The following SND1 variants were observed in gnomAD, a reference collection of about 807,000 sequenced individuals.
SND1 encodes staphylococcal nuclease domain-containing protein 1.
In SND1, 38 loss-of-function variants were observed where a neutral mutation model predicts 121.7. The observed-to-expected ratio is 0.31, with a 90% CI of 0.24 to 0.41. SND1 has a LOEUF of 0.41. SND1 is among the 10% of genes least tolerant of loss of function. SND1 has a pLI of 1.00. For synonymous variants in SND1, 401 were observed against 447.4 expected (o/e 0.90, Z 1.31); for missense variants, 868 against 1,184.6 (o/e 0.73, Z 3.92).
At chr7:127,692,656 C>T (rs1445043172) in intron 2 of SND1, 1 of 152,244 alleles carries the variant, frequency 6.6e-6, no homozygotes, top group African/African-American at 2.4e-5. Context: ...GATTGCCTCT[C>T]TTCTTAACTA....
chr7:128,076,352 C>T (rs542409397), intron 17 of SND1, among the ~76,000 whole-genome samples: 4 of 152,346 alleles, frequency 2.6e-5, no homozygotes, highest in South Asian at 2.1e-4. Context: ...ATTACTTACA[C>T]GGCCTGCGTG....
intron 16 of SND1, among the ~76,000 whole-genome samples, chr7:128,070,415 C>T (rs568057575): frequency 6.6e-6 from 1 of 152,354 alleles, no homozygotes; most frequent in Admixed American, 6.5e-5. Context: ...TCATACGAAG[C>T]CTGCTCCCAG....
chr7:127,709,914 C>G (rs1023649755), intron 9 of SND1, among the ~76,000 whole-genome samples: 2 of 151,168 alleles, frequency 1.3e-5, no homozygotes, highest in Non-Finnish European at 2.9e-5. Context: ...GCTTTTAAAA[C>G]AGGAAAAAAA....
chr7:127,836,154 T>C (rs906734688), intron 11 of SND1, among the ~76,000 whole-genome samples: 1 of 152,094 alleles, frequency 6.6e-6, no homozygotes, highest in African/African-American at 2.4e-5. Context: ...ACCTTTCCCC[T>C]CAAAACAGAT....
chr7:127,718,987 C>G (rs1796442538), intron 9 of SND1, among the ~76,000 whole-genome samples: 1 of 151,968 alleles, frequency 6.6e-6, no homozygotes, highest in Non-Finnish European at 1.5e-5. Context: ...GACAGTTACC[C>G]TCTATCCTTT....
rs1049684065 is a variant in SND1 at position 128,002,784 on chromosome 7, T to C, written c.1779+11728T>C. Among the ~76,000 whole-genome samples, 5 of 152,350 alleles carry C rather than the reference T, an allele frequency of 3.3e-5. No homozygotes were observed. In the South Asian group the frequency reaches 8.3e-4, roughly 25 times the overall value. ...CAGGCTTCCTTATCCTCTGACAGAA[T>C]AGCAGTGCTCCTTTGTGTCTCCATA... On this transcript the variant is annotated intron_variant, in intron 16 of 23. Coordinates refer to ENST00000354725, the MANE Select transcript of SND1 (RefSeq NM_014390.4).
intron 16 of SND1, chr7:128,027,321 G>A (rs1449611551): frequency 1.3e-5 from 2 of 152,528 alleles, no homozygotes; most frequent in Non-Finnish European, 2.9e-5. Flanking sequence ...AGGGGGCCTG[G>A]GAGAGGGAAG....
At chr7:127,729,369 C>T (rs1334568662) in intron 10 of SND1, among the ~76,000 whole-genome samples, 2 of 151,296 alleles carry the variant, frequency 1.3e-5, no homozygotes, top group Non-Finnish European at 2.9e-5. Context: ...AGAGATCTCT[C>T]CCTTCATCTT....
chr7:127,717,412 G>A (rs1414910151), intron 9 of SND1, among the ~76,000 whole-genome samples: 1 of 152,090 alleles, frequency 6.6e-6, no homozygotes, highest in Non-Finnish European at 1.5e-5. Context: ...CAGGTAGTGT[G>A]TAGGACGTCC....
chr7:127,808,443 G>T (rs1798279204), intron 11 of SND1, among the ~76,000 whole-genome samples: 1 of 152,164 alleles, frequency 6.6e-6, no homozygotes, highest in Admixed American at 6.5e-5. Context: ...GGGATTACAG[G>T]CATGGGCCAC....
chr7:127,688,562 A>G (rs967933152), intron 2 of SND1, among the ~76,000 whole-genome samples: 10 of 151,508 alleles, frequency 6.6e-5, no homozygotes, highest in Non-Finnish European at 1.0e-4. Context: ...AAAAAAAAAA[A>G]AAAGAAAAAA....
intron 16 of SND1, chr7:127,997,479 G>A: frequency 3.0e-6 from 1 of 337,406 alleles, no homozygotes; most frequent in Non-Finnish European, 5.8e-6. Context: ...CAGCTCCTGT[G>A]TCTGTTGTCT....
intron 1 of SND1, among the ~76,000 whole-genome samples, chr7:127,679,724 T>C (rs1202625218): frequency 6.6e-6 from 1 of 152,236 alleles, no homozygotes; most frequent in African/African-American, 2.4e-5. Context: ...CTTAACATAA[T>C]GTTTTCAAGG....
chr7:127,940,176 TC>T (rs1801162668), intron 15 of SND1, among the ~76,000 whole-genome samples: 1 of 152,124 alleles, frequency 6.6e-6, no homozygotes, highest in Non-Finnish European at 1.5e-5. Flanking sequence ...ATGGGAAACT[TC>T]CAGAAATCTG....
chr7:127,941,195 T>A (rs138295228), intron 15 of SND1, among the ~76,000 whole-genome samples: 21 of 152,344 alleles, frequency 1.4e-4, no homozygotes, highest in African/African-American at 4.1e-4. Flanking sequence ...AATCTAGACC[T>A]TGTAAGTTTT....
At chr7:127,821,452 A>C (rs1285722424) in intron 11 of SND1, among the ~76,000 whole-genome samples, 1 of 152,244 alleles carries the variant, frequency 6.6e-6, no homozygotes, top group African/African-American at 2.4e-5. Flanking sequence ...CCATGTCATC[A>C]TCTCTGCTCT....
chr7:127,675,446 G>A (rs903354003), intron 1 of SND1, among the ~76,000 whole-genome samples: 13 of 152,074 alleles, frequency 8.5e-5, no homozygotes, highest in Non-Finnish European at 1.3e-4. Flanking sequence ...TGTTAGTATC[G>A]TTATTCAAGA....
chr7:127,801,397 A>G lies in SND1; in HGVS notation c.1153-6087A>G, dbSNP rs893280576. On this transcript the variant is annotated intron_variant, in intron 10 of 23. Transcript: ENST00000354725. ...AAGTACCTGTTTATATCTTTTGCCA[A>G]TTCATCTATGGGTTTATTTCTCTTT... 5.3e-5 allele frequency among the ~76,000 whole-genome samples: 8 copies of G among 152,120 alleles called. No individual in the cohort carries two copies. In the East Asian group the frequency reaches 5.8e-4, roughly 11 times the overall value.
chr7:127,838,051 A>G (rs1370869586), intron 11 of SND1, among the ~76,000 whole-genome samples: 2 of 152,142 alleles, frequency 1.3e-5, no homozygotes, highest in Non-Finnish European at 1.5e-5. Context: ...CCAATTGGCT[A>G]TTTTAAAGAG....
Sources: gnomAD v4.1 joint callset for allele counts (sites outside exome capture counted in the v4.1 genomes callset) on GRCh38, gnomAD v4.1.1 for gene constraint, MANE v1.5 for transcripts, NCBI Gene and HGNC (gene_info 2026-07-23, HGNC 2026-07-21) for gene names.